PRTG: variants seen among roughly 807,000 people sequenced by gnomAD.
PRTG encodes the protein protogenin.
A neutral mutation model predicts 122.5 loss-of-function variants in PRTG; 67 were observed. The ratio of observed to expected loss-of-function variants is 0.55; its 90% confidence interval spans 0.45 to 0.67. PRTG has a LOEUF of 0.67. Ranked by LOEUF, PRTG falls within the 30% of genes least tolerant of loss-of-function variation. The pLI is 0.00. For synonymous variants in PRTG, 554 were observed against 501.1 expected (o/e 1.11, Z -1.41); for missense variants, 1,435 against 1,415.4 (o/e 1.01, Z -0.22).
At chr15:55,620,913 G>A (rs997681364) in intron 18 of PRTG, 146 bp from the exon 19 acceptor site, 24 of 728,828 alleles carry the variant, frequency 3.3e-5, no homozygotes, top group African/African-American at 1.1e-4. Flanking sequence ...GAGTACATGT[G>A]CATGTTTGTT....
chr15:55,672,589 T>C lies in PRTG; in HGVS notation c.1897A>G (p.Thr633Ala), dbSNP rs1484172510. ...TCTTGCTGCCACCTCACAGAAATGG[T>C]GGTACAGTTCAGAGGCTCCAAATGC... ...ELHLEPLNCT[T>A]ISVRWQQDVE... is the part of the protein sequence containing the mutation. Residue 633 changes from threonine to alanine, a missense_variant, in exon 11 of 20, where the codon ACC (threonine) becomes GCC (alanine). By Grantham distance (58) the Thr-to-Ala change is moderately conservative. Coordinates refer to ENST00000389286, the MANE Select transcript of PRTG (RefSeq NM_173814.6). 7 of 1,613,806 alleles carry C rather than the reference T, an allele frequency of 4.3e-6. No homozygotes were observed. Among genetic ancestry groups the C allele is most frequent in the Non-Finnish European group, 5.9e-6 (7 of 1,179,998 alleles).
intron 2 of PRTG, among the ~76,000 whole-genome samples, chr15:55,706,981 C>T (rs2030153128): frequency 6.6e-6 from 1 of 152,174 alleles, no homozygotes; most frequent in Non-Finnish European, 1.5e-5. Flanking sequence ...AAATGCCAAT[C>T]AGCATTTTTA....
At chr15:55,671,673 A>AT (rs2059472626) in intron 11 of PRTG, among the ~76,000 whole-genome samples, 1 of 151,674 alleles carries the variant, frequency 6.6e-6, no homozygotes, top group Admixed American at 6.6e-5. Flanking sequence ...TAATTTTTGT[A>AT]TTTTTTTAGT....
Position 55,615,093 on chromosome 15 carries a change from A to G in PRTG, c.*4919T>C, listed in dbSNP as rs1473126840. On this transcript the variant is annotated 3_prime_UTR_variant, in exon 20 of 20. Coordinates refer to ENST00000389286, the MANE Select transcript of PRTG (RefSeq NM_173814.6). The stretch of plus-strand genomic sequence containing the variant: ...AGCTGGGGTTGGACAAAGAGAAATG[A>G]TAACGGAAGGAGCTTCAGAGAGATG... The G allele has an allele frequency of 6.6e-6, 1 of 152,148 alleles. No individual in the cohort carries two copies. Among genetic ancestry groups the G allele is most frequent in the African/African-American group, 2.4e-5 (1 of 41,444 alleles). The allele number at this position is 152,148 out of a possible 1,614,324, so 9.4% of individuals were successfully genotyped here. A position where few individuals can be genotyped will look rare whatever the true frequency, so the allele number is the denominator to read the frequency against.
At chr15:55,674,049 A>G (rs1238373828) in intron 9 of PRTG, among the ~76,000 whole-genome samples, 1 of 152,226 alleles carries the variant, frequency 6.6e-6, no homozygotes, top group African/African-American at 2.4e-5. Flanking sequence ...CTAGTATTCT[A>G]CAGTTATAAC....
At position 55,709,371 on chromosome 15, in the gene PRTG, T is replaced by C. The variant is rs1480672767; in HGVS notation, c.398-25440A>G. On this transcript the variant is annotated intron_variant, in intron 2 of 19. Transcript: ENST00000389286. ...TATTATATATAAAATATATATAAAA[T>C]ATACAATATATATATATAGAGAGAG... is the stretch of plus-strand genomic sequence containing the variant. Among the ~76,000 whole-genome samples the C allele has an allele frequency of 1.8e-4, 27 of 147,402 alleles. 1 individual carries two copies. The highest frequency in any genetic ancestry group is 1.6e-3 in the Admixed American group (23 of 14,642).
chr15:55,717,509 A>T (rs553840836), intron 2 of PRTG, among the ~76,000 whole-genome samples: 1 of 152,300 alleles, frequency 6.6e-6, no homozygotes, highest in East Asian at 1.9e-4. Flanking sequence ...CCAAAGAAAG[A>T]AAGTTATGAC....
rs1435354528 is a variant in PRTG, at chr15:55,627,024, A to G, written c.2911T>C (p.Tyr971His). The change falls in exon 17 of 20, where the codon TAC becomes CAC. Residue 971 changes from tyrosine to histidine, a missense_variant. Coordinates refer to ENST00000389286, the MANE Select transcript of PRTG (RefSeq NM_173814.6). ...GAAACACACCTGGCTTTACTTCGGT[A>G]TATCAAGATGAGAACACAGATGAGG... The part of the protein sequence containing the change: ...CILICVLILI[Y>H]RSKARKSSAS... 3 of 1,607,710 alleles carry G rather than the reference A, an allele frequency of 1.9e-6. No homozygotes were observed. The highest frequency in any genetic ancestry group is 2.2e-5 in the East Asian group (1 of 44,602).
At chr15:55,701,302 C>A (rs978613025) in intron 2 of PRTG, among the ~76,000 whole-genome samples, 6 of 152,018 alleles carry the variant, frequency 3.9e-5, no homozygotes, top group African/African-American at 1.4e-4. Flanking sequence ...TTTGGGAGGC[C>A]GAAGCGGGTG....
chr15:55,664,186 G>C lies in PRTG; in HGVS notation c.2041+8259C>G, dbSNP rs77805835. Among the ~76,000 whole-genome samples the C allele has an allele frequency of 1.9e-3, 288 of 152,206 alleles. 12 individuals carry two copies. In the East Asian group the frequency reaches 0.054, roughly 28 times the overall value. On this transcript the variant is annotated intron_variant, in intron 11 of 19. Coordinates refer to ENST00000389286, the MANE Select transcript of PRTG (RefSeq NM_173814.6). Reference sequence around the variant, plus strand: ...GAGATGGAGTTTCACTCGTTGCCCAGGCTGGGGTGCAATGGCGCAATCTCA... The same window carrying C: ...GAGATGGAGTTTCACTCGTTGCCCACGCTGGGGTGCAATGGCGCAATCTCA...
intron 6 of PRTG, chr15:55,679,755 G>A: frequency 2.4e-6 from 1 of 425,238 alleles, no homozygotes; most frequent in Non-Finnish European, 4.2e-6. Context: ...ATAATCAAGA[G>A]ATTAAATTTT....
chr15:55,733,759 C>T (rs1162283953), intron 2 of PRTG, among the ~76,000 whole-genome samples: 2 of 151,924 alleles, frequency 1.3e-5, no homozygotes, highest in East Asian at 1.9e-4. Flanking sequence ...CCCAGGAGGT[C>T]CAGGCTGCAG....
At chr15:55,741,374 A>G (rs1250969193) in intron 1 of PRTG, among the ~76,000 whole-genome samples, 1 of 152,216 alleles carries the variant, frequency 6.6e-6, no homozygotes, top group African/African-American at 2.4e-5. Flanking sequence ...CTTTTATTTC[A>G]CTTTTCTAGA....
chr15:55,676,318 T>C (rs1454052521), intron 8 of PRTG, among the ~76,000 whole-genome samples: 1 of 152,044 alleles, frequency 6.6e-6, no homozygotes, highest in East Asian at 1.9e-4. Flanking sequence ...CTTAATCAAA[T>C]ATGCATGACA....
chr15:55,673,732 A>G (rs2059486908), intron 9 of PRTG, 56 bp from the exon 10 acceptor site: 4 of 1,320,164 alleles, frequency 3.0e-6, no homozygotes, highest in African/African-American at 1.5e-5. Flanking sequence ...ATTGCCACTT[A>G]GCACACCAGT....
chr15:55,739,768 A>G (rs566293388), intron 2 of PRTG, among the ~76,000 whole-genome samples: 1 of 152,350 alleles, frequency 6.6e-6, no homozygotes, highest in African/African-American at 2.4e-5. Context: ...TTATGACAAA[A>G]GGGAAAAAGT....
At position 55,686,596 on chromosome 15, in the gene PRTG, GTC is replaced by G. The variant is rs1219930983; in HGVS notation, c.398-2667_398-2666del. On this transcript the variant is annotated intron_variant, in intron 2 of 19. Transcript: ENST00000389286. ...GGCCCTTATCATATCCTGTCTAGAT[GTC>G]TTTCTGGAGCCTCTTAGCTGGTATC... Among the ~76,000 whole-genome samples, 6 of 152,072 alleles carry G rather than the reference GTC, an allele frequency of 3.9e-5. No homozygotes were observed. The South Asian group carries it at 1.0e-3, about 26-fold the overall frequency.
intron 2 of PRTG, among the ~76,000 whole-genome samples, chr15:55,704,433 T>G (rs772804562): frequency 6.6e-6 from 1 of 152,236 alleles, no homozygotes; most frequent in Non-Finnish European, 1.5e-5. Context: ...GGATTACTTT[T>G]GCTTTACAAA....
chr15:55,708,692 G>A (rs2030248807), intron 2 of PRTG, among the ~76,000 whole-genome samples: 1 of 152,148 alleles, frequency 6.6e-6, no homozygotes, highest in Non-Finnish European at 1.5e-5. Flanking sequence ...AAGACAATTA[G>A]CTTCTAGTAC....
Sources: gnomAD v4.1 joint callset for allele counts (sites outside exome capture counted in the v4.1 genomes callset) on GRCh38, gnomAD v4.1.1 for gene constraint, MANE v1.5 for transcripts, NCBI Gene and HGNC (gene_info 2026-07-23, HGNC 2026-07-21) for gene names.